Variants in ST18 observed in about 807,000 individuals in gnomAD.
The protein encoded by ST18 is suppression of tumorigenicity 18 protein.
A neutral mutation model predicts 110.0 loss-of-function variants in ST18; 50 were observed. The observed-to-expected ratio is 0.45, with a 90% CI of 0.36 to 0.58. ST18 has a LOEUF of 0.58. Ranked by LOEUF, ST18 falls within the 20% of genes least tolerant of loss-of-function variation. ST18 has a pLI of 0.00. For synonymous variants in ST18, 461 were observed against 452.4 expected (o/e 1.02, Z -0.24); for missense variants, 1,306 against 1,280.1 (o/e 1.02, Z -0.31).
intron 2 of ST18, among the ~76,000 whole-genome samples, chr8:52,360,965 T>C (rs1351911972): frequency 6.6e-6 from 1 of 152,194 alleles, no homozygotes; most frequent in East Asian, 1.9e-4. Context: ...TTTTCTCCAA[T>C]CTTCTTAAAC....
intron 25 of ST18, 130 bp from the exon 26 acceptor site, chr8:52,113,468 G>T: frequency 1.0e-6 from 1 of 982,304 alleles, no homozygotes; most frequent in Non-Finnish European, 1.5e-6. Context: ...GACTGCTGGG[G>T]TTGCAGGGGA....
At chr8:52,291,985 G>A (rs2095563619) in intron 2 of ST18, among the ~76,000 whole-genome samples, 1 of 152,118 alleles carries the variant, frequency 6.6e-6, no homozygotes, top group Non-Finnish European at 1.5e-5. Flanking sequence ...ATGTTGCCAA[G>A]GCTGGTCTCA....
chr8:52,206,148 C>A (rs1477264619), intron 8 of ST18, among the ~76,000 whole-genome samples: 1 of 152,056 alleles, frequency 6.6e-6, no homozygotes, highest in Non-Finnish European at 1.5e-5. Context: ...AAGCACTTAA[C>A]TTCCATGAAC....
intron 5 of ST18, among the ~76,000 whole-genome samples, chr8:52,218,318 C>T (rs1218859094): frequency 6.6e-6 from 1 of 151,618 alleles, no homozygotes; most frequent in East Asian, 1.9e-4. Flanking sequence ...TTCTGAAAAC[C>T]CTTATAAAAT....
At chr8:52,174,537 T>C (rs1398789905) in intron 9 of ST18, among the ~76,000 whole-genome samples, 1 of 152,214 alleles carries the variant, frequency 6.6e-6, no homozygotes, top group Non-Finnish European at 1.5e-5. Flanking sequence ...ATTACCTCTG[T>C]TGCTTAGCTA....
chr8:52,322,935 A>G (rs1164253747), intron 2 of ST18, among the ~76,000 whole-genome samples: 1 of 152,228 alleles, frequency 6.6e-6, no homozygotes, highest in African/African-American at 2.4e-5. Context: ...CAAAGGAATC[A>G]GCAACTTGCT....
intron 6 of ST18, 118 bp from the exon 7 acceptor site, chr8:52,214,375 C>A (rs2083354580): frequency 9.7e-7 from 1 of 1,032,648 alleles, no homozygotes; most frequent in East Asian, 2.4e-5. Context: ...ATGCTCTTGA[C>A]TCACAGCCCG....
chr8:52,281,659 A>G (rs2095379566), intron 2 of ST18, among the ~76,000 whole-genome samples: 2 of 152,172 alleles, frequency 1.3e-5, no homozygotes, highest in South Asian at 4.1e-4. Context: ...AACAAACAAA[A>G]CAAAGCTAAA....
At chr8:52,344,683 G>A (rs573388129) in intron 2 of ST18, among the ~76,000 whole-genome samples, 112 of 152,362 alleles carry the variant, frequency 7.4e-4, no homozygotes, top group African/African-American at 2.5e-3. Context: ...TTACAGGCAT[G>A]AGCCACCGTG....
At chr8:52,259,300 TC>T (rs2094610864) in intron 2 of ST18, among the ~76,000 whole-genome samples, 1 of 146,992 alleles carries the variant, frequency 6.8e-6, no homozygotes, top group Non-Finnish European at 1.5e-5. Context: ...TGTAACATAC[TC>T]AGTCAGATTC....
At chr8:52,129,826 C>T (rs557573052) in intron 22 of ST18, among the ~76,000 whole-genome samples, 137 of 152,102 alleles carry the variant, frequency 9.0e-4, no homozygotes, top group African/African-American at 3.0e-3. Context: ...GGGCAGATCA[C>T]CTGAGGTCAG....
At chr8:52,372,396 C>T (rs1053633446) in intron 2 of ST18, among the ~76,000 whole-genome samples, 15 of 152,104 alleles carry the variant, frequency 9.9e-5, no homozygotes, top group South Asian at 2.1e-4. Flanking sequence ...CAGTACACTA[C>T]GGTTAATTTA....
intron 2 of ST18, among the ~76,000 whole-genome samples, chr8:52,389,544 C>A (rs1002995245): frequency 6.6e-5 from 10 of 152,210 alleles, no homozygotes; most frequent in African/African-American, 2.4e-4. Flanking sequence ...TCTAGGTACA[C>A]CGACTCCTTC....
chr8:52,345,858 T>A (rs1402966895), intron 2 of ST18, among the ~76,000 whole-genome samples: 6 of 152,204 alleles, frequency 3.9e-5, no homozygotes, highest in Non-Finnish European at 5.9e-5. Flanking sequence ...CTGCCCAGAA[T>A]CTTCAGCCAG....
chr8:52,122,195 C>A (rs1052287439), intron 23 of ST18, among the ~76,000 whole-genome samples: 2 of 152,012 alleles, frequency 1.3e-5, no homozygotes, highest in African/African-American at 4.8e-5. Flanking sequence ...TTATATAATC[C>A]ATTTATGTAA....
At chr8:52,299,267 T>C (rs1402788123) in intron 2 of ST18, among the ~76,000 whole-genome samples, 1 of 152,192 alleles carries the variant, frequency 6.6e-6, no homozygotes, top group Non-Finnish European at 1.5e-5. Flanking sequence ...TCTTTGTTTC[T>C]CTCTGGGTAG....
chr8:52,301,392 A>G (rs920961037), intron 2 of ST18, among the ~76,000 whole-genome samples: 2 of 152,218 alleles, frequency 1.3e-5, no homozygotes, highest in Non-Finnish European at 2.9e-5. Context: ...ATCTTCTCTA[A>G]AAGTGTAAGA....
intron 17 of ST18, among the ~76,000 whole-genome samples, chr8:52,138,984 C>T (rs2053671926): frequency 6.6e-6 from 1 of 152,118 alleles, no homozygotes; most frequent in Admixed American, 6.5e-5. Flanking sequence ...TCTAAAGAAA[C>T]TATAAGAGTT....
At chr8:52,361,803 T>C (rs1825861069) in intron 2 of ST18, among the ~76,000 whole-genome samples, 1 of 152,190 alleles carries the variant, frequency 6.6e-6, no homozygotes, top group Non-Finnish European at 1.5e-5. Context: ...AGGTAGGGTT[T>C]TATTTCTAGA....
Sources: gnomAD v4.1 joint callset for allele counts (sites outside exome capture counted in the v4.1 genomes callset) on GRCh38, gnomAD v4.1.1 for gene constraint, MANE v1.5 for transcripts, NCBI Gene and HGNC (gene_info 2026-07-23, HGNC 2026-07-21) for gene names.